GPC5: variants seen among roughly 807,000 people sequenced by gnomAD.
The protein encoded by GPC5 is glypican 5, also known as glypican-5.
In GPC5, 47 loss-of-function variants were observed where a neutral mutation model predicts 53.9. That is an observed-to-expected ratio of 0.87 (90% confidence interval 0.69 to 1.11). The LOEUF (loss-of-function observed/expected upper bound fraction) is 1.11, where lower values mean the gene tolerates loss of function less well. Ranked by LOEUF, GPC5 falls within the 50% of genes most tolerant of loss-of-function variation. The probability of loss-of-function intolerance (pLI) is 0.00; values close to 1 mark genes in which losing one functional copy is unlikely to be tolerated. For synonymous variants in GPC5, 286 were observed against 263.3 expected (o/e 1.09, Z -0.84); for missense variants, 748 against 713.1 (o/e 1.05, Z -0.56).
chr13:91,951,061 T>C (rs111879830), intron 6 of GPC5, among the ~76,000 whole-genome samples: 3,226 of 152,304 alleles, frequency 0.021, 102 homozygotes, highest in African/African-American at 0.074. Flanking sequence ...TGTGTATCAC[T>C]CTACAGCTAG....
Position 92,866,612 on chromosome 13 carries a change from G to A in GPC5, c.*173G>A, listed in dbSNP as rs1004482572. The A allele has an allele frequency of 6.7e-6, 3 of 448,532 alleles. No individual in the cohort carries two copies. Among genetic ancestry groups the A allele is most frequent in the Non-Finnish European group, 7.6e-6 (2 of 262,334 alleles). The allele number at this position is 448,532 out of a possible 1,614,324, so 27.8% of individuals were successfully genotyped here. On this transcript the variant is annotated 3_prime_UTR_variant, in exon 8 of 8. Transcript: ENST00000377067. ...ATTCATAAAGTCCCTAAAACTCAAC[G>A]TTTAAATGACACACTTTAAAAATAT...
rs1555300079 is a variant in GPC5 at position 91,959,100 on chromosome 13, AC to A, written c.1401+51044del. On this transcript the variant is annotated intron_variant, in intron 6 of 7. Transcript: ENST00000377067. Reference sequence around the variant, plus strand: ...CACACACACACACACACACACACACACATCAATGATGAAACAGAAAGTTGTT... The same window carrying A: ...CACACACACACACACACACACACACAATCAATGATGAAACAGAAAGTTGTT... Among the ~76,000 whole-genome samples the A allele has an allele frequency of 9.2e-4, 136 of 147,628 alleles. 1 individual carries two copies. The highest frequency in any genetic ancestry group is 3.4e-3 in the African/African-American group (131 of 38,592).
At chr13:92,630,268 A>G (rs1885192355) in intron 7 of GPC5, among the ~76,000 whole-genome samples, 1 of 152,190 alleles carries the variant, frequency 6.6e-6, no homozygotes, top group South Asian at 2.1e-4. Context: ...TGTGGTAATA[A>G]TACCAAGGCA....
At chr13:92,381,889 T>TCATATATATCATATATCTGA (rs753025655) in intron 7 of GPC5, among the ~76,000 whole-genome samples, 1 of 122,178 alleles carries the variant, frequency 8.2e-6, no homozygotes, top group Non-Finnish European at 1.7e-5. Flanking sequence ...ATTATATATA[T>TCATATATATCATATATCTGA]TATATATAAT....
chr13:92,228,001 AG>A (rs2042501129), intron 7 of GPC5, among the ~76,000 whole-genome samples: 2 of 152,098 alleles, frequency 1.3e-5, no homozygotes, highest in African/African-American at 4.8e-5. Context: ...ATTATTTAAA[AG>A]TCATAAGAGA....
intron 6 of GPC5, among the ~76,000 whole-genome samples, chr13:92,101,521 G>T (rs1241232326): frequency 6.6e-6 from 1 of 152,096 alleles, no homozygotes; most frequent in Non-Finnish European, 1.5e-5. Flanking sequence ...GCTATCCCTG[G>T]CTATCATTTA....
chr13:91,930,338 T>C (rs2039809801), intron 6 of GPC5, among the ~76,000 whole-genome samples: 1 of 152,068 alleles, frequency 6.6e-6, no homozygotes. Context: ...AAAAAACACA[T>C]ATCCAACCTC....
chr13:91,604,179 A>T (rs942299908), intron 2 of GPC5, among the ~76,000 whole-genome samples: 1 of 141,354 alleles, frequency 7.1e-6, no homozygotes, highest in Non-Finnish European at 1.5e-5. Context: ...TTCAGTTCCC[A>T]CCTATGAGTG....
intron 7 of GPC5, among the ~76,000 whole-genome samples, chr13:92,251,755 T>G (rs566977514): frequency 6.6e-6 from 1 of 152,124 alleles, no homozygotes. Context: ...TTTAGGAAGC[T>G]CTGCTGAAAG....
chr13:91,647,058 A>AAT (rs1411152503), intron 2 of GPC5, among the ~76,000 whole-genome samples: 2 of 144,952 alleles, frequency 1.4e-5, no homozygotes, highest in Admixed American at 7.1e-5. Context: ...TGCTAAGGAT[A>AAT]ATATATATAT....
rs12585748 is a variant in GPC5, at chr13:92,490,780, T to C, written c.1561+345791T>C. Among the ~76,000 whole-genome samples the C allele has an allele frequency of 4.4e-3, 673 of 151,992 alleles. 6 individuals carry two copies. The highest frequency in any genetic ancestry group is 0.015 in the African/African-American group (620 of 41,520). On this transcript the variant is annotated intron_variant, in intron 7 of 7. Transcript: ENST00000377067. The stretch of plus-strand genomic sequence containing the variant: ...CGTGTAACAGATAATGAACTAAAAA[T>C]TTTCTTAAAAATAATTGACTGAAAA...
chr13:91,809,889 G>T (rs2038283082), intron 5 of GPC5, among the ~76,000 whole-genome samples: 1 of 152,018 alleles, frequency 6.6e-6, no homozygotes, highest in African/African-American at 2.4e-5. Context: ...TTAGGAAATA[G>T]TTCATTCGTT....
intron 7 of GPC5, among the ~76,000 whole-genome samples, chr13:92,245,691 T>G (rs550150179): frequency 6.6e-6 from 1 of 152,244 alleles, no homozygotes; most frequent in South Asian, 2.1e-4. Flanking sequence ...ACAGATTTAG[T>G]GTCTTAATAT....
intron 5 of GPC5, among the ~76,000 whole-genome samples, chr13:91,906,061 T>C (rs1948117702): frequency 1.3e-5 from 2 of 151,856 alleles, no homozygotes; most frequent in African/African-American, 4.8e-5. Flanking sequence ...CTGTTCTGAG[T>C]CTCCAGAGTT....
At chr13:92,737,677 C>A (rs1019726128) in intron 7 of GPC5, among the ~76,000 whole-genome samples, 2 of 150,726 alleles carry the variant, frequency 1.3e-5, no homozygotes, top group East Asian at 3.9e-4. Flanking sequence ...AGAATAAATA[C>A]AGTCTTTTGA....
intron 6 of GPC5, among the ~76,000 whole-genome samples, chr13:91,937,608 C>CA: frequency 6.6e-6 from 1 of 152,084 alleles, no homozygotes; most frequent in South Asian, 2.1e-4. Flanking sequence ...TAGGTTTTTA[C>CA]AAAAATATAG....
At chr13:92,382,064 A>G (rs887011465) in intron 7 of GPC5, among the ~76,000 whole-genome samples, 5 of 151,478 alleles carry the variant, frequency 3.3e-5, no homozygotes, top group Non-Finnish European at 7.4e-5. Flanking sequence ...CAGCATGTGC[A>G]GTGACCTGGA....
chr13:91,566,899 A>G (rs2138961851), intron 2 of GPC5, among the ~76,000 whole-genome samples: 1 of 151,358 alleles, frequency 6.6e-6, no homozygotes, highest in Middle Eastern at 3.4e-3. Context: ...TTGAAAGATT[A>G]TATTACAAAA....
At chr13:92,339,681 G>A (rs911042672) in intron 7 of GPC5, 5 of 152,098 alleles carry the variant, frequency 3.3e-5, no homozygotes, top group African/African-American at 9.7e-5. Flanking sequence ...CTGAGCTAGA[G>A]AATTACCAAA....
Sources: allele counts gnomAD v4.1 joint callset (sites outside exome capture counted in the v4.1 genomes callset), GRCh38; gene constraint gnomAD v4.1.1; transcripts MANE v1.5; gene names NCBI Gene and HGNC (gene_info 2026-07-23, HGNC 2026-07-21).